Variants in TMEM178A observed in about 807,000 individuals in gnomAD.
TMEM178A encodes transmembrane protein 178.
A neutral mutation model predicts 29.1 loss-of-function variants in TMEM178A; 12 were observed. The ratio of observed to expected loss-of-function variants is 0.41; its 90% confidence interval spans 0.26 to 0.67. TMEM178A has a LOEUF of 0.67. Ranked by LOEUF, TMEM178A falls within the 30% of genes least tolerant of loss-of-function variation. The pLI, the probability that TMEM178A is intolerant of heterozygous loss-of-function variation, is 0.29. For missense variants in TMEM178A, 366 were observed against 419.1 expected, an observed-to-expected ratio of 0.87 and a Z score of 1.11; for synonymous variants, 210 against 187.2, an observed-to-expected ratio of 1.12 and a Z score of -0.99.
downstream of TMEM178A, among the ~76,000 whole-genome samples, chr2:39,719,665 G>C (rs562595028): frequency 1.4e-4 from 21 of 152,314 alleles, no homozygotes; most frequent in African/African-American, 5.1e-4. Context: ...GCACAGTACT[G>C]TGCAGGACAG....
At chr2:39,673,416 A>G (rs1391012736) in intron 1 of TMEM178A, among the ~76,000 whole-genome samples, 1 of 152,200 alleles carries the variant, frequency 6.6e-6, no homozygotes, top group Non-Finnish European at 1.5e-5. Flanking sequence ...ACACTGAATT[A>G]TTTTCTATAA....
chr2:39,694,045 T>C lies in TMEM178A; in HGVS notation c.401-10036T>C, dbSNP rs1265427361. Among the ~76,000 whole-genome samples the C allele has an allele frequency of 4.0e-5, 6 of 151,148 alleles. No individual in the cohort carries two copies. In the East Asian group the frequency reaches 9.7e-4, roughly 25 times the overall value. ...GAATCTGTCTGACTTGTCATTGAAC[T>C]CTCCCTCTTTGGCCCCTAGAGATAA... On this transcript the variant is annotated intron_variant, in intron 1 of 3. Coordinates refer to ENST00000281961, the MANE Select transcript of TMEM178A (RefSeq NM_152390.3).
intron 1 of TMEM178A, among the ~76,000 whole-genome samples, chr2:39,694,013 A>T (rs1305410666): frequency 6.7e-6 from 1 of 149,576 alleles, no homozygotes; most frequent in Non-Finnish European, 1.5e-5. Context: ...TATCTCTGAA[A>T]TGGGTTGAAT....
chr2:39,716,291 A>C (rs1170656972), intron 3 of TMEM178A, among the ~76,000 whole-genome samples: 1 of 152,200 alleles, frequency 6.6e-6, no homozygotes, highest in Non-Finnish European at 1.5e-5. Context: ...TTTTAAAATC[A>C]GTCCTGATTT....
chr2:39,682,437 C>G (rs1410671716), intron 1 of TMEM178A, among the ~76,000 whole-genome samples: 3 of 151,704 alleles, frequency 2.0e-5, no homozygotes, highest in Non-Finnish European at 4.4e-5. Context: ...TTATTGCCTT[C>G]CTAAATATCG....
chr2:39,706,140 C>T (rs140331408), intron 2 of TMEM178A, among the ~76,000 whole-genome samples: 231 of 152,286 alleles, frequency 1.5e-3, no homozygotes, highest in Middle Eastern at 6.8e-3. Context: ...TGTCCAGGTA[C>T]ACGTAGTCAG....
intron 1 of TMEM178A, among the ~76,000 whole-genome samples, chr2:39,691,020 G>A (rs1453460160): frequency 6.6e-6 from 1 of 152,148 alleles, no homozygotes; most frequent in Non-Finnish European, 1.5e-5. Context: ...GTCAATTGAA[G>A]TGATTCAGTA....
chr2:39,692,074 C>A (rs144186181), intron 1 of TMEM178A, among the ~76,000 whole-genome samples: 25 of 152,180 alleles, frequency 1.6e-4, no homozygotes, highest in African/African-American at 5.8e-4. Context: ...AAGACAAATA[C>A]TGCATGATCT....
chr2:39,671,886 G>A (rs933561721), intron 1 of TMEM178A, among the ~76,000 whole-genome samples: 1 of 152,182 alleles, frequency 6.6e-6, no homozygotes, highest in Admixed American at 6.5e-5. Context: ...AATTCATGGC[G>A]GGTATCCCAG....
At chr2:39,728,681 C>T in the TMEM178A span, among the ~76,000 whole-genome samples, 14 of 151,932 alleles carry the variant, frequency 9.2e-5, no homozygotes, top group Non-Finnish European at 1.8e-4. Flanking sequence ...CTACCTCTTA[C>T]GATCTACATC....
At chr2:39,710,976 G>A (rs867661235) in intron 3 of TMEM178A, among the ~76,000 whole-genome samples, 1 of 152,228 alleles carries the variant, frequency 6.6e-6, no homozygotes, top group South Asian at 2.1e-4. Flanking sequence ...CAGCAGCCCT[G>A]CTGACTGTCG....
chr2:39,677,962 GA>G (rs536468117), intron 1 of TMEM178A, among the ~76,000 whole-genome samples: 123 of 138,672 alleles, frequency 8.9e-4, no homozygotes, highest in East Asian at 3.3e-3. Context: ...GGTTCGACAA[GA>G]AAAAAAAAAA....
At chr2:39,672,151 CT>C (rs1478282674) in intron 1 of TMEM178A, among the ~76,000 whole-genome samples, 3 of 152,152 alleles carry the variant, frequency 2.0e-5, no homozygotes, top group African/African-American at 4.8e-5. Flanking sequence ...TGAAGGTTAT[CT>C]TGAATAGAAA....
chr2:39,731,688 CAGG>C, the TMEM178A span, among the ~76,000 whole-genome samples: 4 of 152,176 alleles, frequency 2.6e-5, no homozygotes, highest in Non-Finnish European at 4.4e-5. Context: ...TGTGAGCTTC[CAGG>C]AGGACAAACT....
intron 1 of TMEM178A, among the ~76,000 whole-genome samples, chr2:39,681,673 A>G (rs1050482874): frequency 9.2e-5 from 14 of 152,198 alleles, no homozygotes; most frequent in Non-Finnish European, 1.6e-4. Context: ...GTCTTACAAA[A>G]TCCATGGGAG....
At chr2:39,728,894 C>T in the TMEM178A span, among the ~76,000 whole-genome samples, 2 of 151,862 alleles carry the variant, frequency 1.3e-5, no homozygotes, top group East Asian at 3.9e-4. Flanking sequence ...AGAGGGGTGC[C>T]AAATACTGAT....
chr2:39,716,463 C>A (rs760911297), intron 3 of TMEM178A, among the ~76,000 whole-genome samples: 34 of 152,148 alleles, frequency 2.2e-4, no homozygotes, highest in Non-Finnish European at 8.8e-5. Context: ...ATATGTAAGA[C>A]TGTGCCTTAA....
the TMEM178A span, among the ~76,000 whole-genome samples, chr2:39,729,523 GTTC>G: frequency 6.6e-6 from 1 of 152,166 alleles, no homozygotes; most frequent in South Asian, 2.1e-4. Flanking sequence ...ATCAATATCT[GTTC>G]TTAATTTGAT....
chr2:39,666,085 G>A lies in TMEM178A; in HGVS notation c.111G>A (p.Arg37=). 1.3e-6 allele frequency: 2 copies of A among 1,569,218 alleles called. No individual in the cohort carries two copies. The highest frequency in any genetic ancestry group is 1.2e-5 in the South Asian group (1 of 86,414). ...FTDHWYETDP[R]RHKESCERSR... Reference sequence around the variant, plus strand: ...ACCACTGGTACGAGACCGACCCCCGGCGCCACAAGGAGAGCTGCGAGCGCA... The same window carrying A: ...ACCACTGGTACGAGACCGACCCCCGACGCCACAAGGAGAGCTGCGAGCGCA... Residue 37 remains arginine, a synonymous_variant, in exon 1 of 4, where the codon CGG becomes CGA. Transcript: ENST00000281961.
Sources: allele counts gnomAD v4.1 joint callset (sites outside exome capture counted in the v4.1 genomes callset), GRCh38; gene constraint gnomAD v4.1.1; transcripts MANE v1.5; gene names NCBI Gene and HGNC (gene_info 2026-07-23, HGNC 2026-07-21).